BCR: variants seen among roughly 807,000 people sequenced by gnomAD.
BCR encodes BCR activator of RhoGEF and GTPase, also known as breakpoint cluster region protein.
Under a neutral mutation model 138.6 loss-of-function variants are expected in BCR, and 58 were observed. That is an observed-to-expected ratio of 0.42 (90% CI 0.34 to 0.52). The LOEUF is 0.52. Among genes scored for constraint, BCR ranks in the 20% least tolerant of loss-of-function variants. The pLI, the probability that BCR is intolerant of heterozygous loss-of-function variation, is 0.06. For synonymous variants in BCR, 786 were observed against 730.1 expected (o/e 1.08, Z -1.23); for missense variants, 1,599 against 1,727.2 (o/e 0.93, Z 1.32).
chr22:23,293,085 T>C (rs1243423797), intron 15 of BCR, among the ~76,000 whole-genome samples: 2 of 152,030 alleles, frequency 1.3e-5, no homozygotes, highest in African/African-American at 4.8e-5. Flanking sequence ...GTTTGTATTG[T>C]GTGTCGCCGT....
intron 5 of BCR, among the ~76,000 whole-genome samples, chr22:23,271,219 A>G (rs1055115609): frequency 2.0e-5 from 3 of 152,194 alleles, no homozygotes; most frequent in Admixed American, 6.5e-5. Context: ...TCCTGTACCT[A>G]TAGGTAGAGG....
At chr22:23,202,593 T>C (rs2146210864) in intron 1 of BCR, among the ~76,000 whole-genome samples, 1 of 152,310 alleles carries the variant, frequency 6.6e-6, no homozygotes, top group African/African-American at 2.4e-5. Flanking sequence ...CTAGAAACTT[T>C]ATTTAAGTGG....
chr22:23,301,732 G>A (rs981939484), intron 16 of BCR, among the ~76,000 whole-genome samples: 1 of 152,226 alleles, frequency 6.6e-6, no homozygotes, highest in African/African-American at 2.4e-5. Context: ...ATGAAGGCTG[G>A]GGAGAGGGGT....
chr22:23,241,358 C>T (rs937850426), intron 1 of BCR, among the ~76,000 whole-genome samples: 2 of 152,188 alleles, frequency 1.3e-5, no homozygotes, highest in African/African-American at 4.8e-5. Flanking sequence ...TCTGTATTTC[C>T]TCTTTGGAGG....
intron 1 of BCR, among the ~76,000 whole-genome samples, chr22:23,187,297 T>TC (rs1491151957): frequency 8.1e-6 from 1 of 123,280 alleles, no homozygotes; most frequent in Non-Finnish European, 1.7e-5. Flanking sequence ...TTTTTTTTTT[T>TC]CACAGTTCTC....
chr22:23,219,535 C>T (rs1243656568), intron 1 of BCR, among the ~76,000 whole-genome samples: 2 of 152,062 alleles, frequency 1.3e-5, no homozygotes, highest in African/African-American at 4.8e-5. Context: ...GGGACCTGAC[C>T]GCTGTTCCCT....
At chr22:23,310,025 C>T (rs140509) in intron 17 of BCR, 170,528 of 423,678 alleles carry the variant, frequency 0.4, 35,111 homozygotes, top group East Asian at 0.6. Flanking sequence ...CCCAAGAGTT[C>T]GATTACAGCC....
At chr22:23,217,937 C>G (rs750902434) in intron 1 of BCR, among the ~76,000 whole-genome samples, 7 of 152,118 alleles carry the variant, frequency 4.6e-5, no homozygotes, top group Non-Finnish European at 7.4e-5. Context: ...GAGCCGTGGC[C>G]CAGGCTCCTA....
At chr22:23,274,907 CAAA>C (rs758602402) in intron 8 of BCR, among the ~76,000 whole-genome samples, 105 of 84,008 alleles carry the variant, frequency 1.2e-3, no homozygotes, top group African/African-American at 4.3e-3. Context: ...AACTCCATCT[CAAA>C]AAAAAAAAAA....
chr22:23,286,735 G>A (rs939970828), intron 10 of BCR, among the ~76,000 whole-genome samples: 5 of 152,154 alleles, frequency 3.3e-5, no homozygotes, highest in Non-Finnish European at 5.9e-5. Context: ...TCTTCTGCTG[G>A]CATCTCCACA....
intron 5 of BCR, 71 bp downstream of exon 5, chr22:23,268,586 A>G: frequency 7.8e-7 from 1 of 1,273,900 alleles, no homozygotes; most frequent in Non-Finnish European, 1.1e-6. Flanking sequence ...CCCGAGGAGA[A>G]CAGAGTGCAC....
intron 1 of BCR, among the ~76,000 whole-genome samples, chr22:23,194,695 A>G (rs1406927602): frequency 2.0e-5 from 3 of 150,850 alleles, no homozygotes; most frequent in Non-Finnish European, 4.4e-5. Flanking sequence ...TACAGGCATG[A>G]GCCACTGTGC....
chr22:23,283,699 C>A (rs56073544), intron 8 of BCR: 10,442 of 378,998 alleles, frequency 0.028, 228 homozygotes, highest in African/African-American at 0.055. Flanking sequence ...CCCCCTCTCC[C>A]CCATCCTCCC....
At chr22:23,218,284 G>A (rs1254631003) in intron 1 of BCR, among the ~76,000 whole-genome samples, 1 of 152,216 alleles carries the variant, frequency 6.6e-6, no homozygotes, top group African/African-American at 2.4e-5. Flanking sequence ...ATTGCAGGAG[G>A]TGACCCGGGA....
chr22:23,312,764 A>C (rs1352015760), intron 19 of BCR, 123 bp from the exon 20 acceptor site: 1 of 1,078,434 alleles, frequency 9.3e-7, no homozygotes, highest in Non-Finnish European at 1.4e-6. Context: ...GAGCTGCTCA[A>C]AGCCCAGGAG....
chr22:23,265,896 C>T (rs1218428116), intron 4 of BCR, among the ~76,000 whole-genome samples: 2 of 152,192 alleles, frequency 1.3e-5, no homozygotes, highest in Non-Finnish European at 1.5e-5. Flanking sequence ...TCATGAGATA[C>T]TATTATTTAA....
At chr22:23,185,448 A>G (rs750092934) in intron 1 of BCR, among the ~76,000 whole-genome samples, 1 of 152,068 alleles carries the variant, frequency 6.6e-6, no homozygotes, top group East Asian at 2.0e-4. Flanking sequence ...GGTGGATCAC[A>G]AGGGCAGGAG....
rs1264278637 is a variant in BCR, at chr22:23,180,786, C to A, written c.-175C>A. ...GGCGCGCCCCGCCCCGCGCGCCGAG[C>A]GCCCCGCTCCGCCTCACCTGCCACC... On this transcript the variant is annotated 5_prime_UTR_variant, in exon 1 of 23. Transcript: ENST00000305877. 61 of 197,402 alleles carry A rather than the reference C, an allele frequency of 3.1e-4. No individual in the cohort carries two copies. Among genetic ancestry groups the A allele is most frequent in the Non-Finnish European group, 4.1e-4 (47 of 113,420 alleles). 12.2% of individuals were successfully genotyped at this position (197,402 alleles called of 1,614,324 possible).
intron 10 of BCR, among the ~76,000 whole-genome samples, chr22:23,286,161 A>AT (rs1043325991): frequency 6.6e-6 from 1 of 152,194 alleles, no homozygotes; most frequent in Non-Finnish European, 1.5e-5. Context: ...AGCTACCCTG[A>AT]TGGGGCCCAG....
Sources: allele counts gnomAD v4.1 joint callset (sites outside exome capture counted in the v4.1 genomes callset), GRCh38; gene constraint gnomAD v4.1.1; transcripts MANE v1.5; gene names NCBI Gene and HGNC (gene_info 2026-07-23, HGNC 2026-07-21).